Variants in WWOX observed in about 807,000 individuals in gnomAD.
WWOX encodes WW domain containing oxidoreductase, also known as WW domain-containing oxidoreductase.
Under a neutral mutation model 46.2 loss-of-function variants are expected in WWOX, and 69 were observed. The ratio of observed to expected loss-of-function variants is 1.49; its 90% confidence interval spans 1.23 to 1.82. WWOX has a LOEUF of 1.82. WWOX is among the 40% of genes most tolerant of loss of function. The pLI is 0.00. For synonymous variants in WWOX, 359 were observed against 202.6 expected (o/e 1.77, Z -6.56); for missense variants, 919 against 542.6 (o/e 1.69, Z -6.89).
intron 5 of WWOX, among the ~76,000 whole-genome samples, chr16:78,372,881 C>G (rs933806166): frequency 6.6e-6 from 1 of 152,128 alleles, no homozygotes; most frequent in East Asian, 1.9e-4. Context: ...GTAGCAGCTA[C>G]TATGAGGCTA....
chr16:79,013,578 CT>C (rs2047355127), intron 8 of WWOX, among the ~76,000 whole-genome samples: 1 of 152,158 alleles, frequency 6.6e-6, no homozygotes, highest in South Asian at 2.1e-4. Flanking sequence ...GCTCAGTGTA[CT>C]GTCTTCCACC....
At chr16:78,467,823 A>C (rs533874622) in intron 8 of WWOX, among the ~76,000 whole-genome samples, 1 of 152,352 alleles carries the variant, frequency 6.6e-6, no homozygotes, top group African/African-American at 2.4e-5. Flanking sequence ...CATACTTCAT[A>C]CAAAGCTATG....
intron 5 of WWOX, among the ~76,000 whole-genome samples, chr16:78,220,696 G>A (rs990355333): frequency 1.1e-4 from 17 of 152,176 alleles, no homozygotes; most frequent in Admixed American, 3.3e-4. Flanking sequence ...TTCTTTTAAT[G>A]TGGAAAGCAG....
Position 78,967,286 on chromosome 16 carries a change from C to CTTTT in WWOX, c.1057-244298_1057-244295dup, listed in dbSNP as rs71140849. 3.3e-3 allele frequency among the ~76,000 whole-genome samples: 189 copies of CTTTT among 56,850 alleles called. 34 individuals carry two copies. Among genetic ancestry groups the CTTTT allele is most frequent in the South Asian group, 6.4e-3 (6 of 934 alleles). 37.3% of individuals were successfully genotyped at this position (56,850 alleles called of 152,430 possible). On this transcript the variant is annotated intron_variant, in intron 8 of 8. Coordinates refer to ENST00000566780, the MANE Select transcript of WWOX (RefSeq NM_016373.4). ...GGCAACTACTCCTGCCTGCCGAGGC[C>CTTTT]TTTTTTTTTTTTTTTTTTTTTTTTT...
intron 6 of WWOX, among the ~76,000 whole-genome samples, chr16:78,412,699 T>C (rs1421427433): frequency 1.3e-5 from 2 of 151,930 alleles, no homozygotes; most frequent in African/African-American, 2.4e-5. Context: ...AGAGAGGAGG[T>C]TGCTGAATTT....
chr16:78,802,419 G>A (rs1048336479), intron 8 of WWOX, among the ~76,000 whole-genome samples: 4 of 151,892 alleles, frequency 2.6e-5, no homozygotes, highest in Non-Finnish European at 5.9e-5. Flanking sequence ...GGAAGCAAGT[G>A]TATTTAAATA....
intron 5 of WWOX, among the ~76,000 whole-genome samples, chr16:78,290,137 C>T (rs2079836403): frequency 6.6e-6 from 1 of 152,084 alleles, no homozygotes; most frequent in African/African-American, 2.4e-5. Flanking sequence ...GTCTTTAGTG[C>T]ATTGCTACTT....
At position 78,790,864 on chromosome 16, in the gene WWOX, C is replaced by T. The variant is rs561497592; in HGVS notation, c.1056+358112C>T. On this transcript the variant is annotated intron_variant, in intron 8 of 8. Transcript: ENST00000566780. ...TGAAACCTCATTTCTACAAAAAATACAAAAATTAGCCGGGCGTTTTGGTGC... is the reference window on the plus strand; with the variant it reads ...TGAAACCTCATTTCTACAAAAAATATAAAAATTAGCCGGGCGTTTTGGTGC... Among the ~76,000 whole-genome samples the T allele has an allele frequency of 2.7e-4, 41 of 151,530 alleles. 1 individual carries two copies. Among genetic ancestry groups the T allele is most frequent in the African/African-American group, 8.7e-4 (36 of 41,314 alleles).
chr16:78,336,759 G>C (rs1460599131), intron 5 of WWOX, among the ~76,000 whole-genome samples: 1 of 152,014 alleles, frequency 6.6e-6, no homozygotes, highest in Non-Finnish European at 1.5e-5. Context: ...GGTATTTCCT[G>C]AGTTTTTACA....
At chr16:78,324,334 A>G (rs1489310844) in intron 5 of WWOX, among the ~76,000 whole-genome samples, 1 of 152,084 alleles carries the variant, frequency 6.6e-6, no homozygotes, top group Non-Finnish European at 1.5e-5. Context: ...ACCCTCACAC[A>G]CCATTGGTGG....
intron 8 of WWOX, among the ~76,000 whole-genome samples, chr16:78,886,979 T>G (rs1012105009): frequency 6.6e-6 from 1 of 151,952 alleles, no homozygotes; most frequent in African/African-American, 2.4e-5. Flanking sequence ...TCTGCTGGGT[T>G]TAAGGAGGAG....
At chr16:78,225,487 T>C (rs2037020900) in intron 5 of WWOX, among the ~76,000 whole-genome samples, 1 of 152,252 alleles carries the variant, frequency 6.6e-6, no homozygotes, top group Admixed American at 6.5e-5. Context: ...CTGTCTTCTA[T>C]GATCTCTGCT....
At chr16:78,306,040 G>C (rs1482374825) in intron 5 of WWOX, among the ~76,000 whole-genome samples, 1 of 152,030 alleles carries the variant, frequency 6.6e-6, no homozygotes, top group African/African-American at 2.4e-5. Context: ...AATTCGAGCT[G>C]TGTTTATATA....
At chr16:79,120,296 T>C (rs2049602310) in intron 8 of WWOX, among the ~76,000 whole-genome samples, 1 of 152,176 alleles carries the variant, frequency 6.6e-6, no homozygotes, top group South Asian at 2.1e-4. Flanking sequence ...AGAGTCATTC[T>C]CAAGGTATGC....
chr16:78,316,878 G>T (rs2080366512), intron 5 of WWOX, among the ~76,000 whole-genome samples: 1 of 152,210 alleles, frequency 6.6e-6, no homozygotes. Context: ...CCTGGGACAT[G>T]CCTCCTTGCT....
intron 8 of WWOX, among the ~76,000 whole-genome samples, chr16:79,134,585 T>C (rs2150703112): frequency 6.6e-6 from 1 of 152,288 alleles, no homozygotes; most frequent in Middle Eastern, 3.4e-3. Flanking sequence ...CCACAGTAGA[T>C]TTTTTATAAA....
At chr16:78,537,287 T>C (rs2043782553) in intron 8 of WWOX, among the ~76,000 whole-genome samples, 1 of 152,114 alleles carries the variant, frequency 6.6e-6, no homozygotes, top group African/African-American at 2.4e-5. Flanking sequence ...TCCATCTGTT[T>C]GTTATCTGAC....
At chr16:78,108,270 C>T (rs913587563) in intron 1 of WWOX, among the ~76,000 whole-genome samples, 153 bp from the exon 2 acceptor site, 5 of 151,148 alleles carry the variant, frequency 3.3e-5, no homozygotes, top group African/African-American at 1.2e-4. Context: ...CTAAAGTTGA[C>T]CCCGTAGCTG....
chr16:78,938,567 A>G (rs2151289828), intron 8 of WWOX, among the ~76,000 whole-genome samples: 1 of 152,098 alleles, frequency 6.6e-6, no homozygotes, highest in African/African-American at 2.4e-5. Context: ...TTTTTGTTAA[A>G]TACGGCAAAT....
Sources: gnomAD v4.1 joint callset for allele counts (sites outside exome capture counted in the v4.1 genomes callset) on GRCh38, gnomAD v4.1.1 for gene constraint, MANE v1.5 for transcripts, NCBI Gene and HGNC (gene_info 2026-07-23, HGNC 2026-07-21) for gene names.